Variants in SLC2A13 observed in about 807,000 individuals in gnomAD.
SLC2A13 encodes the protein proton myo-inositol cotransporter.
In SLC2A13, 32 loss-of-function variants were observed where a neutral mutation model predicts 64.4. The observed-to-expected ratio is 0.50, with a 90% CI of 0.37 to 0.67. The LOEUF (loss-of-function observed/expected upper bound fraction) is 0.67. SLC2A13 is among the 30% of genes least tolerant of loss of function. The pLI, the probability that SLC2A13 is intolerant of heterozygous loss-of-function variation, is 0.00. For synonymous variants in SLC2A13, 338 were observed against 327.1 expected (o/e 1.03, Z -0.36); for missense variants, 743 against 829.2 (o/e 0.90, Z 1.28).
At chr12:39,890,896 C>T (rs1008255498) in intron 4 of SLC2A13, among the ~76,000 whole-genome samples, 3 of 151,954 alleles carry the variant, frequency 2.0e-5, no homozygotes, top group Non-Finnish European at 4.4e-5. Flanking sequence ...AAAAACCTTA[C>T]AAAGTGGTAC....
chr12:39,769,756 C>A (rs1445610467), intron 7 of SLC2A13, among the ~76,000 whole-genome samples: 1 of 151,842 alleles, frequency 6.6e-6, no homozygotes, highest in Non-Finnish European at 1.5e-5. Flanking sequence ...CTCAAATGTT[C>A]AACTCCTCTC....
At chr12:39,957,829 T>C (rs1351237590) in intron 3 of SLC2A13, among the ~76,000 whole-genome samples, 1 of 151,922 alleles carries the variant, frequency 6.6e-6, no homozygotes, top group African/African-American at 2.4e-5. Context: ...CTGAAGCGCT[T>C]CCCATGAGCC....
intron 4 of SLC2A13, among the ~76,000 whole-genome samples, chr12:39,899,512 C>T (rs1227609379): frequency 3.3e-5 from 5 of 151,986 alleles, no homozygotes; most frequent in Non-Finnish European, 4.4e-5. Flanking sequence ...TTATTTCTTG[C>T]CCTCTGCTAG....
intron 1 of SLC2A13, 141 bp from the exon 2 acceptor site, chr12:40,048,351 A>AT: frequency 1.3e-6 from 1 of 766,802 alleles, no homozygotes; most frequent in South Asian, 2.7e-5. Flanking sequence ...CATATTTAAG[A>AT]TTTTGTTCAT....
intron 3 of SLC2A13, among the ~76,000 whole-genome samples, chr12:40,020,433 C>T (rs1947693527): frequency 6.6e-6 from 1 of 152,186 alleles, no homozygotes; most frequent in Non-Finnish European, 1.5e-5. Flanking sequence ...TGAGACGTGC[C>T]TTTCTTCCCC....
chr12:40,046,838 T>G (rs966047963), intron 2 of SLC2A13, among the ~76,000 whole-genome samples: 1 of 152,118 alleles, frequency 6.6e-6, no homozygotes, highest in Non-Finnish European at 1.5e-5. Context: ...AGCCACAAGG[T>G]TTATCGTGCT....
intron 1 of SLC2A13, among the ~76,000 whole-genome samples, chr12:40,071,290 C>T (rs1377706544): frequency 6.6e-6 from 1 of 152,082 alleles, no homozygotes; most frequent in African/African-American, 2.4e-5. Context: ...TCTCGAAATT[C>T]TATTGATATG....
At chr12:40,014,976 A>G (rs1947599637) in intron 3 of SLC2A13, among the ~76,000 whole-genome samples, 1 of 152,236 alleles carries the variant, frequency 6.6e-6, no homozygotes, top group African/African-American at 2.4e-5. Context: ...AAACTCCAAG[A>G]CTAAATTAAA....
At chr12:39,991,901 A>G (rs1565579859) in intron 3 of SLC2A13, among the ~76,000 whole-genome samples, 1 of 152,128 alleles carries the variant, frequency 6.6e-6, no homozygotes, top group African/African-American at 2.4e-5. Flanking sequence ...CTTATAGCTC[A>G]CACATCCTGA....
Position 39,961,989 on chromosome 12 carries a change from G to C in SLC2A13, c.926-10624C>G, listed in dbSNP as rs188808703. On this transcript the variant is annotated intron_variant, in intron 3 of 9. Coordinates refer to ENST00000280871, the MANE Select transcript of SLC2A13 (RefSeq NM_052885.4). The stretch of plus-strand genomic sequence containing the variant: ...TATCACATATACCCCATAAATATGG[G>C]GTGTTTACTTAATTAAAAAAGCAAT... Among the ~76,000 whole-genome samples, 222 of 152,226 alleles carry C rather than the reference G, an allele frequency of 1.5e-3. 2 individuals carry two copies. The highest frequency in any genetic ancestry group is 5.2e-3 in the African/African-American group (214 of 41,514).
chr12:39,902,380 A>G (rs1006312787), intron 4 of SLC2A13, among the ~76,000 whole-genome samples: 6 of 151,970 alleles, frequency 3.9e-5, no homozygotes, highest in Admixed American at 2.6e-4. Flanking sequence ...GAGTGAAAAG[A>G]TATGTACATA....
chr12:39,806,694 T>C (rs1331900666), intron 7 of SLC2A13, among the ~76,000 whole-genome samples: 1 of 152,190 alleles, frequency 6.6e-6, no homozygotes, highest in Non-Finnish European at 1.5e-5. Flanking sequence ...AAAGTTAATA[T>C]CTTATTATTT....
chr12:39,783,767 T>C (rs1318690765), intron 7 of SLC2A13, among the ~76,000 whole-genome samples: 2 of 152,028 alleles, frequency 1.3e-5, no homozygotes, highest in East Asian at 1.9e-4. Context: ...GGATATTAGA[T>C]GGGTAGGAAG....
intron 3 of SLC2A13, 99 bp downstream of exon 3, chr12:40,028,202 C>T: frequency 1.6e-5 from 9 of 562,814 alleles, no homozygotes; most frequent in Admixed American, 1.1e-4. Flanking sequence ...CATAAATACC[C>T]ATATATTAAA....
intron 4 of SLC2A13, among the ~76,000 whole-genome samples, chr12:39,942,660 C>A (rs577557438): frequency 3.8e-4 from 58 of 152,244 alleles, no homozygotes; most frequent in Non-Finnish European, 6.8e-4. Context: ...TTTCCTCTAA[C>A]GTTTTTTCAA....
chr12:39,985,118 A>C (rs1947004978), intron 3 of SLC2A13, among the ~76,000 whole-genome samples: 1 of 152,188 alleles, frequency 6.6e-6, no homozygotes. Context: ...TAATGTTCAC[A>C]ATCTGGAAAA....
intron 7 of SLC2A13, among the ~76,000 whole-genome samples, chr12:39,794,479 A>G (rs962817059): frequency 2.0e-5 from 3 of 152,216 alleles, no homozygotes; most frequent in Non-Finnish European, 4.4e-5. Flanking sequence ...AATTTGATGT[A>G]TAAAATAGAC....
At chr12:39,828,325 T>G (rs1242818962) in intron 7 of SLC2A13, among the ~76,000 whole-genome samples, 1 of 152,148 alleles carries the variant, frequency 6.6e-6, no homozygotes, top group African/African-American at 2.4e-5. Context: ...CATTTTTTTT[T>G]TAGTTATTTT....
intron 3 of SLC2A13, among the ~76,000 whole-genome samples, chr12:39,958,718 T>C (rs1946359550): frequency 2.0e-5 from 3 of 152,168 alleles, no homozygotes; most frequent in African/African-American, 7.2e-5. Context: ...TAGGCAATGC[T>C]TCAGCAATTT....
Sources: gnomAD v4.1 joint callset for allele counts (sites outside exome capture counted in the v4.1 genomes callset) on GRCh38, gnomAD v4.1.1 for gene constraint, MANE v1.5 for transcripts, NCBI Gene and HGNC (gene_info 2026-07-23, HGNC 2026-07-21) for gene names.